Variants in MYO1H observed in about 807,000 individuals in gnomAD.
The protein encoded by MYO1H is unconventional myosin-Ih.
A neutral mutation model predicts 149.3 loss-of-function variants in MYO1H; 118 were observed. The ratio of observed to expected loss-of-function variants is 0.79; its 90% confidence interval spans 0.68 to 0.92. MYO1H has a LOEUF of 0.92. MYO1H is among the 40% of genes least tolerant of loss of function. The probability of loss-of-function intolerance (pLI) is 0.00; values close to 1 mark genes in which losing one functional copy is unlikely to be tolerated. For missense variants in MYO1H, 1,212 were observed against 1,280.7 expected, an observed-to-expected ratio of 0.95 and a Z score of 0.82; for synonymous variants, 447 against 465.2, an observed-to-expected ratio of 0.96 and a Z score of 0.50.
At chr12:109,353,817 A>G (rs1868521364) in intron 1 of MYO1H, among the ~76,000 whole-genome samples, 1 of 151,954 alleles carries the variant, frequency 6.6e-6, no homozygotes, top group Non-Finnish European at 1.5e-5. Flanking sequence ...ACACTTGGCT[A>G]ATTTTTTTTT....
At chr12:109,334,193 T>G in the MYO1H span, among the ~76,000 whole-genome samples, 1 of 152,040 alleles carries the variant, frequency 6.6e-6, no homozygotes, top group Non-Finnish European at 1.5e-5. Flanking sequence ...ATTTTTGTAT[T>G]TTTTAAGTAG....
chr12:109,397,461 A>G (rs1385628142), intron 4 of MYO1H, among the ~76,000 whole-genome samples: 2 of 152,144 alleles, frequency 1.3e-5, no homozygotes, highest in Non-Finnish European at 2.9e-5. Context: ...CTAGGGTTCT[A>G]TGTACCCCTC....
intron 7 of MYO1H, among the ~76,000 whole-genome samples, chr12:109,404,805 A>G (rs1253394322): frequency 6.6e-6 from 1 of 151,830 alleles, no homozygotes; most frequent in Non-Finnish European, 1.5e-5. Context: ...AAACTAGAAC[A>G]AATTGTAGAA....
rs79763914 is a variant in MYO1H, at chr12:109,412,953, T to TTTGTTGTTGTTGTTG, written c.1502+983_1502+997dup. Among the ~76,000 whole-genome samples, 634 of 147,068 alleles carry TTTGTTGTTGTTGTTG rather than the reference T, an allele frequency of 4.3e-3. 3 individuals are homozygous for TTTGTTGTTGTTGTTG. The highest frequency in any genetic ancestry group is 0.015 in the African/African-American group (601 of 39,306). ...AGCACTTGCCACTACGCCCGGCTAA[T>TTTGTTGTTGTTGTTG]TTGTTGTTGTTGTTGTTGTTGTTGT... On this transcript the variant is annotated intron_variant, in intron 14 of 31. Transcript: ENST00000310903.
chr12:109,405,731 G>A (rs1269584030), intron 7 of MYO1H, among the ~76,000 whole-genome samples, 191 bp from the exon 8 acceptor site: 1 of 152,168 alleles, frequency 6.6e-6, no homozygotes, highest in Non-Finnish European at 1.5e-5. Context: ...TCTTCCCTTA[G>A]CACCTGAAGT....
At chr12:109,405,057 T>C (rs946792956) in intron 7 of MYO1H, among the ~76,000 whole-genome samples, 6 of 151,750 alleles carry the variant, frequency 4.0e-5, no homozygotes, top group Admixed American at 2.0e-4. Context: ...CAAAAAAATT[T>C]TAAAAATTAG....
chr12:109,409,747 CA>C, intron 11 of MYO1H, 123 bp downstream of exon 11: 1 of 897,096 alleles, frequency 1.1e-6, no homozygotes, highest in Non-Finnish European at 1.8e-6. Context: ...TCTAGATTTA[CA>C]TAGTTTCTAA....
chr12:109,435,261 C>T, intron 21 of MYO1H, 148 bp downstream of exon 21: 1 of 593,660 alleles, frequency 1.7e-6, no homozygotes, highest in Non-Finnish European at 2.9e-6. Context: ...ATGATAAGAT[C>T]CCTGTGAATT....
intron 16 of MYO1H, among the ~76,000 whole-genome samples, chr12:109,423,224 T>C (rs1196459248): frequency 1.3e-5 from 2 of 152,138 alleles, no homozygotes; most frequent in East Asian, 3.9e-4. Context: ...AGTGGCATGA[T>C]CTCAACTCAC....
chr12:109,409,225 TTTCTTCTTC>T (rs1213445821), intron 10 of MYO1H, among the ~76,000 whole-genome samples: 21 of 105,110 alleles, frequency 2.0e-4, no homozygotes, highest in African/African-American at 6.8e-4. Context: ...CCTTCTTCTT[TTTCTTCTTC>T]TTCTTCTTCT....
chr12:109,353,846 G>T (rs1029949361), intron 1 of MYO1H, among the ~76,000 whole-genome samples: 2 of 152,054 alleles, frequency 1.3e-5, no homozygotes, highest in African/African-American at 4.8e-5. Context: ...TAGAAACGGG[G>T]TTTCACCATG....
At chr12:109,334,417 C>A in the MYO1H span, among the ~76,000 whole-genome samples, 2 of 152,050 alleles carry the variant, frequency 1.3e-5, no homozygotes, top group Non-Finnish European at 2.9e-5. Flanking sequence ...CTCATGCAGT[C>A]CTCCTGCCTC....
intron 10 of MYO1H, among the ~76,000 whole-genome samples, chr12:109,409,077 C>T (rs148171968): frequency 0.038 from 5,724 of 152,214 alleles, 121 homozygotes; most frequent in Middle Eastern, 0.054. Flanking sequence ...AGGCGTGAGC[C>T]ACCACGCCTG....
chr12:109,424,888 A>G lies in MYO1H; in HGVS notation c.1725+60A>G, dbSNP rs1473452208. The G allele has an allele frequency of 3.2e-5, 42 of 1,325,742 alleles. No individual in the cohort carries two copies. In the Admixed American group the frequency reaches 7.2e-4, roughly 23 times the overall value. 82.1% of individuals were successfully genotyped at this position (1,325,742 alleles called of 1,614,324 possible). A position where few individuals can be genotyped will look rare whatever the true frequency, so the allele number is the denominator to read the frequency against. On this transcript the variant is annotated intron_variant, in intron 17 of 31. Transcript: ENST00000310903. ...TCACCAGAGGGTGAGATGACCACCAACTACCTACGCTTTTTAAGCCACCTT... is the reference window on the plus strand; with the variant it reads ...TCACCAGAGGGTGAGATGACCACCAGCTACCTACGCTTTTTAAGCCACCTT...
intron 24 of MYO1H, among the ~76,000 whole-genome samples, chr12:109,440,156 C>T (rs1172990915): frequency 6.6e-6 from 1 of 151,956 alleles, no homozygotes; most frequent in Admixed American, 6.6e-5. Flanking sequence ...TGTGTCAGCC[C>T]CCCTGAATAA....
At chr12:109,443,046 GTA>G (rs1430812347) in intron 27 of MYO1H, among the ~76,000 whole-genome samples, 1 of 66,970 alleles carries the variant, frequency 1.5e-5, no homozygotes, top group Admixed American at 1.3e-4. Flanking sequence ...GTGTGTGTGT[GTA>G]TATATGTGTA....
intron 1 of MYO1H, among the ~76,000 whole-genome samples, chr12:109,379,851 G>T (rs1489675918): frequency 6.8e-6 from 1 of 146,254 alleles, no homozygotes; most frequent in African/African-American, 2.5e-5. Flanking sequence ...TTTTGCCTCA[G>T]CCTCCCAAGT....
At chr12:109,412,919 G>A (rs1306629124) in intron 14 of MYO1H, among the ~76,000 whole-genome samples, 1 of 151,858 alleles carries the variant, frequency 6.6e-6, no homozygotes, top group Non-Finnish European at 1.5e-5. Flanking sequence ...CCAAGTAGCT[G>A]GGATTACAAG....
At chr12:109,439,838 G>A (rs1240760030) in intron 24 of MYO1H, 48 bp downstream of exon 24, 7 of 1,549,254 alleles carry the variant, frequency 4.5e-6, no homozygotes, top group Admixed American at 1.7e-5. Context: ...CACGGGCACT[G>A]ACGAAGCTTA....
Sources: gnomAD v4.1 joint callset for allele counts (sites outside exome capture counted in the v4.1 genomes callset) on GRCh38, gnomAD v4.1.1 for gene constraint, MANE v1.5 for transcripts, NCBI Gene and HGNC (gene_info 2026-07-23, HGNC 2026-07-21) for gene names.